Variants in FAM13A observed in about 807,000 individuals in gnomAD.
FAM13A encodes protein FAM13A.
In FAM13A, 76 loss-of-function variants were observed where a neutral mutation model predicts 129.6. That is an observed-to-expected ratio of 0.59 (90% confidence interval 0.49 to 0.71). The LOEUF (loss-of-function observed/expected upper bound fraction) is 0.71, where lower values mean the gene tolerates loss of function less well. Among genes scored for constraint, FAM13A ranks in the 30% least tolerant of loss-of-function variants. The pLI, the probability that FAM13A is intolerant of heterozygous loss-of-function variation, is 0.00. For missense variants in FAM13A, 1,108 were observed against 1,249.3 expected (o/e 0.89, Z 1.70); for synonymous variants, 443 against 449.9 (o/e 0.98, Z 0.20).
intron 7 of FAM13A, among the ~76,000 whole-genome samples, chr4:88,817,034 A>T (rs904895176): frequency 6.6e-6 from 1 of 152,192 alleles, no homozygotes; most frequent in Non-Finnish European, 1.5e-5. Flanking sequence ...ATATATCATA[A>T]TATTATTCAG....
At chr4:88,964,915 A>T (rs1759148055) in intron 4 of FAM13A, among the ~76,000 whole-genome samples, 1 of 152,148 alleles carries the variant, frequency 6.6e-6, no homozygotes, top group African/African-American at 2.4e-5. Context: ...GGCGTGAGAT[A>T]CCGCGCCCGG....
chr4:88,759,993 C>T (rs1578526883), intron 13 of FAM13A, among the ~76,000 whole-genome samples: 2 of 152,130 alleles, frequency 1.3e-5, no homozygotes, highest in African/African-American at 2.4e-5. Flanking sequence ...CAGATGGGTA[C>T]ACAAGATTTT....
At chr4:88,838,862 A>T (rs1235684190) in intron 7 of FAM13A, among the ~76,000 whole-genome samples, 1 of 152,242 alleles carries the variant, frequency 6.6e-6, no homozygotes, top group Non-Finnish European at 1.5e-5. Flanking sequence ...ACATTGGAAG[A>T]TGCAGCTCCT....
intron 3 of FAM13A, among the ~76,000 whole-genome samples, chr4:89,019,678 T>C (rs188600583): frequency 4.0e-5 from 6 of 150,716 alleles, no homozygotes; most frequent in Admixed American, 2.7e-4. Flanking sequence ...GAAGAATTGC[T>C]TGAACCCAGG....
rs540622044 is a variant in FAM13A at position 88,948,575 on chromosome 4, G to A, written c.606-10334C>T. 3.6e-3 allele frequency among the ~76,000 whole-genome samples: 546 copies of A among 151,714 alleles called. 3 individuals are homozygous for A. Among genetic ancestry groups the A allele is most frequent in the Non-Finnish European group, 5.6e-3 (380 of 67,926 alleles). On this transcript the variant is annotated intron_variant, in intron 4 of 23. Transcript: ENST00000264344. ...ATGATCTCAGCTCACTGCAACCTCCGCCTCCCGGGTTCAAGCAATTCTCCC... is the reference window on the plus strand; with the variant it reads ...ATGATCTCAGCTCACTGCAACCTCCACCTCCCGGGTTCAAGCAATTCTCCC...
At chr4:89,009,104 G>T (rs947992239) in intron 3 of FAM13A, 7 of 151,862 alleles carry the variant, frequency 4.6e-5, no homozygotes, top group Admixed American at 6.6e-5. Flanking sequence ...AACAAAACAC[G>T]ATCTCTGAGA....
intron 4 of FAM13A, among the ~76,000 whole-genome samples, chr4:88,976,429 A>T (rs1396017666): frequency 6.6e-6 from 1 of 152,164 alleles, no homozygotes; most frequent in Non-Finnish European, 1.5e-5. Flanking sequence ...TCTGCAGGAG[A>T]TATGTTCCAA....
intron 21 of FAM13A, among the ~76,000 whole-genome samples, chr4:88,735,911 G>A (rs1330489072): frequency 6.6e-6 from 1 of 152,102 alleles, no homozygotes; most frequent in Non-Finnish European, 1.5e-5. Context: ...ATAAAAAAGA[G>A]CATCATTAGG....
intron 23 of FAM13A, chr4:88,729,148 T>C (rs1737073040): frequency 1.3e-5 from 2 of 152,336 alleles, no homozygotes; most frequent in Admixed American, 1.3e-4. Context: ...CTGGATTACA[T>C]AATACTATTA....
chr4:88,777,826 T>G (rs1722076469), intron 11 of FAM13A, among the ~76,000 whole-genome samples: 1 of 152,196 alleles, frequency 6.6e-6, no homozygotes, highest in African/African-American at 2.4e-5. Flanking sequence ...ACCCTATTCT[T>G]ACTAAGATCA....
intron 6 of FAM13A, among the ~76,000 whole-genome samples, chr4:88,861,418 T>A (rs1739478210): frequency 2.0e-5 from 3 of 148,184 alleles, no homozygotes. Context: ...AACGAAATAA[T>A]CCATGTATCA....
intron 5 of FAM13A, among the ~76,000 whole-genome samples, chr4:88,909,519 G>A (rs1261180477): frequency 4.0e-5 from 6 of 151,450 alleles, no homozygotes; most frequent in African/African-American, 1.2e-4. Flanking sequence ...ATGGAGTCTC[G>A]CTCTGTTGCC....
rs1192392512 is a variant in FAM13A at position 88,960,979 on chromosome 4, G to A, written c.606-22738C>T. ...CTTAAGAAGCACAGAAAGTGCATTT[G>A]TATTAATTCTTAACACTTTTTAAAG... On this transcript the variant is annotated intron_variant, in intron 4 of 23. Coordinates refer to ENST00000264344, the MANE Select transcript of FAM13A (RefSeq NM_014883.4). Among the ~76,000 whole-genome samples the A allele has an allele frequency of 2.0e-5, 3 of 152,144 alleles. No homozygotes were observed. The East Asian group carries it at 5.8e-4, about 29-fold the overall frequency.
chr4:88,843,062 G>A (rs1736084811), intron 7 of FAM13A, among the ~76,000 whole-genome samples: 1 of 152,132 alleles, frequency 6.6e-6, no homozygotes, highest in African/African-American at 2.4e-5. Context: ...TTTTTCATGG[G>A]AGCTAGTGGC....
chr4:88,913,454 A>AGAAGAAGAGGAGGAGGAG (rs1349946934), intron 5 of FAM13A, among the ~76,000 whole-genome samples: 1 of 27,552 alleles, frequency 3.6e-5, no homozygotes, highest in Middle Eastern at 0.015. Flanking sequence ...AGGAGGAGGA[A>AGAAGAAGAGGAGGAGGAG]GAAGAAGAAG....
intron 2 of FAM13A, among the ~76,000 whole-genome samples, chr4:89,027,060 A>AG (rs1410170977): frequency 1.3e-5 from 2 of 152,234 alleles, no homozygotes; most frequent in Non-Finnish European, 2.9e-5. Flanking sequence ...CCTTACCGGC[A>AG]GGGGATATGT....
chr4:89,003,724 A>G (rs1253292352), intron 3 of FAM13A, among the ~76,000 whole-genome samples: 2 of 152,200 alleles, frequency 1.3e-5, no homozygotes, highest in Non-Finnish European at 2.9e-5. Context: ...TTACGTAATT[A>G]TTCACACATT....
At chr4:88,784,739 C>T (rs1578644234) in intron 10 of FAM13A, among the ~76,000 whole-genome samples, 1 of 152,106 alleles carries the variant, frequency 6.6e-6, no homozygotes, top group Non-Finnish European at 1.5e-5. Flanking sequence ...TGATGCTTTG[C>T]TTTTAAAAAA....
intron 4 of FAM13A, among the ~76,000 whole-genome samples, chr4:88,943,893 C>T (rs1755190614): frequency 1.3e-5 from 2 of 152,084 alleles, no homozygotes; most frequent in African/African-American, 4.8e-5. Context: ...GACTGAAGGA[C>T]ACATTTTTTT....
Sources: allele counts gnomAD v4.1 joint callset (sites outside exome capture counted in the v4.1 genomes callset), GRCh38; gene constraint gnomAD v4.1.1; transcripts MANE v1.5; gene names NCBI Gene and HGNC (gene_info 2026-07-23, HGNC 2026-07-21).